SETX: variants seen among roughly 807,000 people sequenced by gnomAD.
SETX encodes the protein helicase senataxin.
SETX carries 90 observed loss-of-function variants against 227.2 expected under a neutral mutation model. That is an observed-to-expected ratio of 0.40 (90% CI 0.33 to 0.47). SETX has a LOEUF of 0.47. SETX is among the 20% of genes least tolerant of loss of function. SETX has a pLI of 0.91. For synonymous variants in SETX, 1,210 were observed against 1,113.2 expected (o/e 1.09, Z -1.73); for missense variants, 3,052 against 3,181.5 (o/e 0.96, Z 0.98).
At chr9:132,287,691 A>AG (rs1843995779) in intron 17 of SETX, among the ~76,000 whole-genome samples, 1 of 152,064 alleles carries the variant, frequency 6.6e-6, no homozygotes, top group Non-Finnish European at 1.5e-5. Flanking sequence ...TTTACAAAAA[A>AG]GTTTTTAAAA....
In SETX at chr9:132,328,601, T is replaced by C; in HGVS notation, c.2997A>G (p.Thr999=). The C allele has an allele frequency of 6.2e-7, 1 of 1,613,794 alleles. No homozygotes were observed. The highest frequency in any genetic ancestry group is 8.5e-7 in the Non-Finnish European group (1 of 1,179,888). The change falls in exon 10 of 26, where the codon ACA becomes ACG. Residue 999 remains threonine (T), a synonymous_variant. Transcript: ENST00000224140. ...RKVKEDKRCF[T]ANQNNVGDTS... ...TATCTCCAACATTATTTTGGTTAGCTGTGAAACATCTTTTATCTTCTTTTA... is the reference window on the plus strand; with the variant it reads ...TATCTCCAACATTATTTTGGTTAGCCGTGAAACATCTTTTATCTTCTTTTA...
At chr9:132,267,859 C>T (rs929663375) in intron 25 of SETX, among the ~76,000 whole-genome samples, 1 of 152,202 alleles carries the variant, frequency 6.6e-6, no homozygotes, top group Admixed American at 6.5e-5. Context: ...CATGATGCGC[C>T]TCATCCATCC....
Position 132,262,539 on chromosome 9 carries a change from CCAAAGA to C in SETX, c.*1694_*1699del, listed in dbSNP as rs1239444688. The C allele has an allele frequency of 6.6e-6, 1 of 152,392 alleles. No individual in the cohort carries two copies. The highest frequency in any genetic ancestry group is 2.4e-5 in the African/African-American group (1 of 41,410). 9.4% of individuals were successfully genotyped at this position (152,392 alleles called of 1,614,324 possible). A position where few individuals can be genotyped will look rare whatever the true frequency, so the allele number is the denominator to read the frequency against. On this transcript the variant is annotated 3_prime_UTR_variant, in exon 26 of 26. Coordinates refer to ENST00000224140, the MANE Select transcript of SETX (RefSeq NM_015046.7). ...TCCTGAACTGTCGCACACTGCATGGCCAAAGACAAACTCTCCACCCCCACAGAGGAA... is the reference window on the plus strand; with the variant it reads ...TCCTGAACTGTCGCACACTGCATGGCCAAACTCTCCACCCCCACAGAGGAA...
chr9:132,282,019 T>TTA (rs1843549738), intron 19 of SETX, among the ~76,000 whole-genome samples: 1 of 81,908 alleles, frequency 1.2e-5, no homozygotes, highest in Non-Finnish European at 2.5e-5. Flanking sequence ...ACTCCGTCTC[T>TTA]AAAAAAAAAA....
At chr9:132,355,226 T>C (rs1848851844), upstream of SETX, among the ~76,000 whole-genome samples, 1 of 151,938 alleles carries the variant, frequency 6.6e-6, no homozygotes, top group Non-Finnish European at 1.5e-5. Context: ...GGGGAGAGTT[T>C]GCCGCGGAAC....
intron 15 of SETX, among the ~76,000 whole-genome samples, chr9:132,295,120 AAAATG>A (rs1347135484): frequency 6.6e-6 from 1 of 152,230 alleles, no homozygotes; most frequent in Non-Finnish European, 1.5e-5. Flanking sequence ...AAGGTTAAAT[AAAATG>A]AAATAATTTC....
rs558685293 is a variant in SETX, at chr9:132,347,183, C to T, written c.178-712G>A. The stretch of plus-strand genomic sequence containing the variant: ...AGGAGAATCGCTTGAACCCAGGAGG[C>T]GGAGGTTGCAGTGAGCCAAGATCAC... On this transcript the variant is annotated intron_variant, in intron 3 of 25. Transcript: ENST00000224140. Among the ~76,000 whole-genome samples the T allele has an allele frequency of 2.7e-4, 40 of 150,508 alleles. No homozygotes were observed. The South Asian group carries it at 7.1e-3, about 27-fold the overall frequency.
rs1846936039 is a variant in SETX at position 132,327,899 on chromosome 9, G to A, written c.3699C>T (p.Ile1233=). 1.4e-5 allele frequency: 23 copies of A among 1,614,166 alleles called. No individual in the cohort carries two copies. Among genetic ancestry groups the A allele is most frequent in the Non-Finnish European group, 1.9e-5 (23 of 1,180,028 alleles). The change falls in exon 10 of 26, where the codon ATC becomes ATT. Residue 1233 remains isoleucine, a synonymous_variant. Coordinates refer to ENST00000224140, the MANE Select transcript of SETX (RefSeq NM_015046.7). ...GGGTCTTAGAAACTGGAACTTTCCTGATGGGTTCTGTACAAGTACAAAGCT... is the reference window on the plus strand; with the variant it reads ...GGGTCTTAGAAACTGGAACTTTCCTAATGGGTTCTGTACAAGTACAAAGCT... ...SSKLCTCTEP[I]RKVPVSKTPK... is the part of the protein sequence containing the mutation.
At chr9:132,306,282 G>A (rs141058354) in intron 11 of SETX, among the ~76,000 whole-genome samples, 21 of 152,226 alleles carry the variant, frequency 1.4e-4, no homozygotes, top group African/African-American at 4.3e-4. Flanking sequence ...GCGCAATCTC[G>A]GTTCACTGCA....
At chr9:132,342,858 A>C in intron 4 of SETX, 59 bp from the exon 5 acceptor site, 5 of 1,262,392 alleles carry the variant, frequency 4.0e-6, no homozygotes, top group Admixed American at 3.4e-5. Flanking sequence ...AGATTCCCTA[A>C]ATTAGGCTCC....
intron 10 of SETX, among the ~76,000 whole-genome samples, chr9:132,323,132 T>C (rs1449862065): frequency 6.6e-6 from 1 of 152,074 alleles, no homozygotes; most frequent in Non-Finnish European, 1.5e-5. Context: ...CTCGCTAACA[T>C]GAGTAACCAA....
intron 7 of SETX, 42 bp from the exon 8 acceptor site, chr9:132,331,490 G>A: frequency 6.3e-7 from 1 of 1,589,650 alleles, no homozygotes; most frequent in Non-Finnish European, 8.6e-7. Flanking sequence ...TAAACAGTTA[G>A]AAAAACATAC....
At position 132,308,168 on chromosome 9, in the gene SETX, T is replaced by A. The variant is rs144599004; in HGVS notation, c.5374+3589A>T. On this transcript the variant is annotated intron_variant, in intron 11 of 25. Coordinates refer to ENST00000224140, the MANE Select transcript of SETX (RefSeq NM_015046.7). ...TCCCTTTAATGAATTAGTGACTAAG[T>A]ACAAGCAGCTGTGATTATCAGAAAA... 3.2e-3 allele frequency among the ~76,000 whole-genome samples: 494 copies of A among 152,284 alleles called. 2 individuals are homozygous for A. Among genetic ancestry groups the A allele is most frequent in the African/African-American group, 0.011 (475 of 41,568 alleles).
intron 17 of SETX, among the ~76,000 whole-genome samples, chr9:132,287,846 C>T (rs1454847725): frequency 6.6e-6 from 1 of 150,670 alleles, no homozygotes; most frequent in African/African-American, 2.4e-5. Flanking sequence ...ATACATGAAT[C>T]ATGCCATTCC....
intron 18 of SETX, among the ~76,000 whole-genome samples, chr9:132,285,327 A>G (rs2131226202): frequency 6.6e-6 from 1 of 152,378 alleles, no homozygotes. Flanking sequence ...CACCTCTTAG[A>G]AATCTTAGAT....
chr9:132,321,915 T>C (rs1443715087), intron 10 of SETX, among the ~76,000 whole-genome samples: 1 of 152,166 alleles, frequency 6.6e-6, no homozygotes. Context: ...GGCTTCCTAA[T>C]GAAGTGCCAA....
chr9:132,276,032 C>T (rs145341752), intron 22 of SETX, among the ~76,000 whole-genome samples: 18 of 152,248 alleles, frequency 1.2e-4, no homozygotes, highest in African/African-American at 3.4e-4. Context: ...CACTCTCAAC[C>T]CCTCCTGAAA....
At chr9:132,310,560 C>T (rs2131350137) in intron 11 of SETX, among the ~76,000 whole-genome samples, 1 of 152,324 alleles carries the variant, frequency 6.6e-6, no homozygotes, top group African/African-American at 2.4e-5. Context: ...TATCTAGGAA[C>T]TTAGATTTTA....
chr9:132,327,660 T>C lies in SETX; in HGVS notation c.3938A>G (p.His1313Arg). Reference sequence around the variant, plus strand: ...ATCAACTACTCCAACAGTTTTGCCATGATCACGTAATTGAGCTACATAATC... The same window carrying C: ...ATCAACTACTCCAACAGTTTTGCCACGATCACGTAATTGAGCTACATAATC... ...SLDYVAQLRD[H>R]GKTVGVVDTR... Residue 1313 changes from histidine to arginine, a missense_variant, in exon 10 of 26, where the codon CAT (histidine) becomes CGT (arginine). Physicochemically the swap from His to Arg is conservative, Grantham distance 29. Around this residue, in one of 10 missense-constraint regions of SETX, gnomAD observed 1,483 missense variants for 1,312.0 expected, o/e 1.13. Coordinates refer to ENST00000224140, the MANE Select transcript of SETX (RefSeq NM_015046.7). 6.2e-7 allele frequency: 1 copy of C among 1,613,878 alleles called. No individual in the cohort carries two copies. Among genetic ancestry groups the C allele is most frequent in the East Asian group, 2.2e-5 (1 of 44,882 alleles).
Sources: allele counts gnomAD v4.1 joint callset (sites outside exome capture counted in the v4.1 genomes callset), GRCh38; gene constraint gnomAD v4.1.1; regional missense constraint gnomAD v4.1.1; transcripts MANE v1.5; gene names NCBI Gene and HGNC (gene_info 2026-07-23, HGNC 2026-07-21).